BOK: variants seen among roughly 807,000 people sequenced by gnomAD.
The protein encoded by BOK is BCL2 family apoptosis regulator BOK, also known as bcl-2-related ovarian killer protein.
A neutral mutation model predicts 18.3 loss-of-function variants in BOK; 20 were observed. The ratio of observed to expected loss-of-function variants is 1.09; its 90% confidence interval spans 0.77 to 1.59. BOK has a LOEUF of 1.59. BOK is among the 40% of genes most tolerant of loss of function. The probability of loss-of-function intolerance (pLI) is 0.00; values close to 1 mark genes in which losing one functional copy is unlikely to be tolerated. For missense variants in BOK, 348 were observed against 307.9 expected (o/e 1.13, Z -0.97); for synonymous variants, 173 against 142.4 (o/e 1.21, Z -1.53).
chr2:241,561,090 C>T (rs182222873), intron 2 of BOK, among the ~76,000 whole-genome samples: 260 of 152,352 alleles, frequency 1.7e-3, no homozygotes, highest in African/African-American at 6.1e-3. Context: ...CCCAGCCAGC[C>T]TCTCATGGGC....
upstream of BOK, among the ~76,000 whole-genome samples, chr2:241,557,333 G>T: frequency 7.6e-6 from 1 of 132,134 alleles, no homozygotes. Context: ...TTTTGAGATG[G>T]AATCACACTC....
chr2:241,556,262 G>A (rs980132913), upstream of BOK, among the ~76,000 whole-genome samples: 2 of 152,220 alleles, frequency 1.3e-5, no homozygotes, highest in African/African-American at 4.8e-5. Context: ...CAATGACTGA[G>A]CACTTACTAC....
intron 3 of BOK, among the ~76,000 whole-genome samples, chr2:241,567,144 CTT>C (rs557390533): frequency 3.4e-5 from 4 of 117,980 alleles, no homozygotes; most frequent in Non-Finnish European, 3.5e-5. Flanking sequence ...ATAGTATGTT[CTT>C]TTTTTTTTTT....
rs771523960 is a variant in BOK, at chr2:241,562,394, G to A, written c.267G>A (p.Ala89=). The A allele has an allele frequency of 3.1e-5, 50 of 1,611,860 alleles. No individual in the cohort carries two copies. The highest frequency in any genetic ancestry group is 6.6e-5 in the South Asian group (6 of 91,058). ...GGCCCAGCGTCTACCGCAACGTGGC[G>A]CGTCAGCTGCACATCTCCCTGCAGT... is the stretch of plus-strand genomic sequence containing the variant. ...MIRPSVYRNV[A]RQLHISLQSE... Residue 89 remains alanine (A), a synonymous_variant, in exon 3 of 5, where the codon GCG becomes GCA. Coordinates refer to ENST00000318407, the MANE Select transcript of BOK (RefSeq NM_032515.5). This position sits in a 1 kb window ranked among gnomAD's most constrained non-coding sequence, Gnocchi z 4.5.
At chr2:241,566,260 G>A (rs1397834663) in intron 3 of BOK, among the ~76,000 whole-genome samples, 6 of 151,870 alleles carry the variant, frequency 4.0e-5, no homozygotes, top group African/African-American at 7.2e-5. Context: ...CTCCAGCCTG[G>A]GTGACAGAGG....
At position 241,559,618 on chromosome 2, in the gene BOK, C is replaced by A; in HGVS notation, c.135C>A (p.Arg45=). 6.8e-7 allele frequency: 1 copy of A among 1,472,166 alleles called. No homozygotes were observed. 91.2% of individuals were successfully genotyped at this position (1,472,166 alleles called of 1,614,324 possible). The part of the protein sequence containing the change: ...GREYVHARLL[R]AGLSWSAPER... ...AGTACGTGCACGCGCGGCTGCTGCG[C>A]GCCGGCCTCTCCTGGAGCGCGCCCG... The change falls in exon 2 of 5, where the codon CGC becomes CGA. Residue 45 remains arginine (R), a synonymous_variant. Coordinates refer to ENST00000318407, the MANE Select transcript of BOK (RefSeq NM_032515.5).
upstream of BOK, among the ~76,000 whole-genome samples, chr2:241,556,994 T>G (rs1231859576): frequency 6.6e-6 from 1 of 152,230 alleles, no homozygotes; most frequent in East Asian, 1.9e-4. Context: ...AAATTTCAAA[T>G]GCACTGTCAA....
chr2:241,567,402 T>C (rs112263789), intron 3 of BOK, among the ~76,000 whole-genome samples: 1 of 134,492 alleles, frequency 7.4e-6, no homozygotes, highest in Non-Finnish European at 1.6e-5. Context: ...GCTAGGATTA[T>C]AGGCATGAGC....
upstream of BOK, among the ~76,000 whole-genome samples, chr2:241,556,581 C>CAAAAAAAAAA: frequency 1.2e-5 from 1 of 86,794 alleles, no homozygotes; most frequent in Non-Finnish European, 2.2e-5. Flanking sequence ...GACTCCGTCT[C>CAAAAAAAAAA]AAAAAAAAAA....
chr2:241,566,233 G>A (rs560873477), intron 3 of BOK, among the ~76,000 whole-genome samples: 4 of 152,088 alleles, frequency 2.6e-5, no homozygotes, highest in Non-Finnish European at 5.9e-5. Flanking sequence ...GCGGTGAGCC[G>A]AGATTGTGCC....
chr2:241,563,567 G>A (rs966182213), intron 3 of BOK, among the ~76,000 whole-genome samples: 1 of 152,230 alleles, frequency 6.6e-6, no homozygotes, highest in Admixed American at 6.5e-5. Flanking sequence ...GCTTGGAGGA[G>A]GGGCATGCTG....
chr2:241,567,657 T>G (rs1376317088), intron 3 of BOK, among the ~76,000 whole-genome samples: 1 of 134,852 alleles, frequency 7.4e-6, no homozygotes, highest in Admixed American at 7.4e-5. Context: ...GGCTGGAGTC[T>G]GCCAGGGGCC....
Position 241,560,128 on chromosome 2 carries a change from G to A in BOK, c.220+425G>A, listed in dbSNP as rs1435385425. ...CTGCCCTCTGGATTCCGAGGCCTCC[G>A]AGGCCCCCCCATTGGAAACTGCGCC... On this transcript the variant is annotated intron_variant, in intron 2 of 4. Transcript: ENST00000318407. The A allele has an allele frequency of 6.1e-6, 6 of 985,260 alleles. No individual in the cohort carries two copies. The African/African-American group carries it at 7.0e-5, about 11-fold the overall frequency. The allele number at this position is 985,260 out of a possible 1,614,324, so 61.0% of individuals were successfully genotyped here.
chr2:241,564,792 G>C (rs2066585530), intron 3 of BOK, among the ~76,000 whole-genome samples: 4 of 152,214 alleles, frequency 2.6e-5, no homozygotes, highest in Non-Finnish European at 4.4e-5. Context: ...GTGGCCACCC[G>C]GGTGTCTGTC....
rs777155155 is a variant in BOK at position 241,562,395 on chromosome 2, C to T, written c.268C>T (p.Arg90Cys). The change falls in exon 3 of 5, where the codon CGT becomes TGT. Residue 90 changes from arginine to cysteine, a missense_variant. Transcript: ENST00000318407. The surrounding 1 kb of genome is among the most constrained non-coding windows in gnomAD (Gnocchi z 4.5). Reference sequence around the variant, plus strand: ...GCCCAGCGTCTACCGCAACGTGGCGCGTCAGCTGCACATCTCCCTGCAGTC... The same window carrying T: ...GCCCAGCGTCTACCGCAACGTGGCGTGTCAGCTGCACATCTCCCTGCAGTC... ...IRPSVYRNVA[R>C]QLHISLQSEP... The T allele has an allele frequency of 2.2e-5, 35 of 1,611,954 alleles. 1 individual carries two copies. Among genetic ancestry groups the T allele is most frequent in the African/African-American group, 6.7e-5 (5 of 74,938 alleles).
intron 2 of BOK, 64 bp downstream of exon 2, chr2:241,559,767 C>T: frequency 1.6e-6 from 2 of 1,269,504 alleles, no homozygotes; most frequent in Non-Finnish European, 2.0e-6. Flanking sequence ...AGCCTCCCTC[C>T]GAGGCCGAGA....
rs147359626 is a variant in BOK, at chr2:241,572,336, C to T, written c.553C>T (p.Leu185Phe). The change falls in exon 5 of 5, where the codon CTC (leucine) becomes TTC (phenylalanine). Residue 185 changes from leucine to phenylalanine, a missense_variant. By Grantham distance (22) the Leu-to-Phe change is conservative. Transcript: ENST00000318407. The stretch of plus-strand genomic sequence containing the variant: ...GTGTGTGGTCAGCACAGACCCTGGC[C>T]TCCGCTCCCACTGGCTGGTGGCTGC... Reference protein sequence around the residue: ...LKCVVSTDPGLRSHWLVAALC... With the variant: ...LKCVVSTDPGFRSHWLVAALC... The T allele has an allele frequency of 3.3e-4, 524 of 1,611,104 alleles. 3 individuals carry two copies. The African/African-American group carries it at 6.3e-3, about 19-fold the overall frequency.
intron 2 of BOK, among the ~76,000 whole-genome samples, chr2:241,560,861 A>T (rs2066517297): frequency 6.6e-6 from 1 of 151,958 alleles, no homozygotes; most frequent in Non-Finnish European, 1.5e-5. Context: ...GTCTAGGGGG[A>T]CCCCAGAGGG....
intron 3 of BOK, among the ~76,000 whole-genome samples, chr2:241,569,062 T>C (rs2066662339): frequency 6.6e-6 from 1 of 152,204 alleles, no homozygotes; most frequent in Non-Finnish European, 1.5e-5. Flanking sequence ...GCCCTCAAGC[T>C]GGGCTTCCCA....
Sources: allele counts gnomAD v4.1 joint callset (sites outside exome capture counted in the v4.1 genomes callset), GRCh38; gene constraint gnomAD v4.1.1; non-coding constraint Gnocchi (gnomAD v3.1); transcripts MANE v1.5; gene names NCBI Gene and HGNC (gene_info 2026-07-23, HGNC 2026-07-21).